Variants in MAML3 observed in about 807,000 individuals in gnomAD.
The protein encoded by MAML3 is mastermind-like protein 3.
Under a neutral mutation model 101.9 loss-of-function variants are expected in MAML3, and 27 were observed. That is an observed-to-expected ratio of 0.27 (90% CI 0.20 to 0.37). The LOEUF is 0.37. MAML3 is among the 10% of genes least tolerant of loss of function. The probability of loss-of-function intolerance (pLI) is 1.00; values close to 1 mark genes in which losing one functional copy is unlikely to be tolerated. For missense variants in MAML3, 1,316 were observed against 1,444.9 expected (o/e 0.91, Z 1.45); for synonymous variants, 501 against 555.9 (o/e 0.90, Z 1.39).
chr4:139,982,908 G>A (rs1455302128), intron 1 of MAML3, among the ~76,000 whole-genome samples: 1 of 152,064 alleles, frequency 6.6e-6, no homozygotes, highest in African/African-American at 2.4e-5. Context: ...CCCCCCTTAG[G>A]AAAAAACTAT....
chr4:139,808,037 C>G (rs1730730231), intron 2 of MAML3, among the ~76,000 whole-genome samples: 1 of 152,208 alleles, frequency 6.6e-6, no homozygotes. Flanking sequence ...TTCGGCTCTT[C>G]CTTCCCTTCA....
chr4:140,021,093 GA>G (rs1396548651), intron 1 of MAML3, among the ~76,000 whole-genome samples: 1 of 152,172 alleles, frequency 6.6e-6, no homozygotes, highest in African/African-American at 2.4e-5. Flanking sequence ...AATACGTGGA[GA>G]AAAGAAGACT....
intron 1 of MAML3, among the ~76,000 whole-genome samples, chr4:140,064,085 G>A (rs985041619): frequency 9.9e-5 from 15 of 151,982 alleles, no homozygotes; most frequent in African/African-American, 1.2e-4. Context: ...TTCTTACATC[G>A]TCCCCACTTC....
intron 3 of MAML3, among the ~76,000 whole-genome samples, chr4:139,729,605 C>T (rs1415971378): frequency 6.6e-6 from 1 of 152,192 alleles, no homozygotes; most frequent in African/African-American, 2.4e-5. Flanking sequence ...ATTCTCTGTG[C>T]AGACCCTCAC....
intron 1 of MAML3, among the ~76,000 whole-genome samples, chr4:140,035,146 G>A (rs1726964036): frequency 2.0e-5 from 3 of 151,828 alleles, no homozygotes; most frequent in South Asian, 4.1e-4. Flanking sequence ...TAATTTTTTC[G>A]TATTTTTAGT....
intron 2 of MAML3, among the ~76,000 whole-genome samples, chr4:139,814,926 T>C (rs10015181): frequency 0.027 from 4,077 of 152,276 alleles, 189 homozygotes; most frequent in African/African-American, 0.092. Flanking sequence ...TTTCCATGGC[T>C]GTGCTATAGA....
intron 1 of MAML3, among the ~76,000 whole-genome samples, chr4:139,968,082 C>T (rs1465754825): frequency 1.3e-5 from 2 of 151,730 alleles, no homozygotes; most frequent in Non-Finnish European, 2.9e-5. Context: ...AGTTCGAGAC[C>T]AGCCTGGCCA....
chr4:140,150,218 A>G (rs1729135737), intron 1 of MAML3, among the ~76,000 whole-genome samples: 1 of 152,228 alleles, frequency 6.6e-6, no homozygotes. Context: ...ACTGGGATTC[A>G]CTATGAAATC....
intron 2 of MAML3, among the ~76,000 whole-genome samples, chr4:139,807,870 C>T (rs1730727115): frequency 6.6e-6 from 1 of 151,150 alleles, no homozygotes; most frequent in Non-Finnish European, 1.5e-5. Context: ...ATGATACACT[C>T]CAAATTTGAT....
chr4:140,008,523 TCC>T (rs1321358073), intron 1 of MAML3, among the ~76,000 whole-genome samples: 1 of 152,124 alleles, frequency 6.6e-6, no homozygotes, highest in African/African-American at 2.4e-5. Context: ...TTGACATTGG[TCC>T]CTGAAGGAAC....
At chr4:140,141,823 C>T (rs13112302) in intron 1 of MAML3, among the ~76,000 whole-genome samples, 49,640 of 151,952 alleles carry the variant, frequency 0.33, 8,781 homozygotes, top group African/African-American at 0.45. Context: ...TATCATTTGC[C>T]CTAAAATGGG....
At chr4:139,882,498 A>C (rs2111188925) in intron 2 of MAML3, among the ~76,000 whole-genome samples, 1 of 152,316 alleles carries the variant, frequency 6.6e-6, no homozygotes, top group South Asian at 2.1e-4. Flanking sequence ...ATAGTAGGGA[A>C]GTCAGAGGAC....
intron 2 of MAML3, among the ~76,000 whole-genome samples, chr4:139,806,226 A>C (rs908813943): frequency 6.6e-6 from 1 of 152,144 alleles, no homozygotes; most frequent in Non-Finnish European, 1.5e-5. Context: ...AAGCTAGGAC[A>C]AAATATTGGC....
intron 1 of MAML3, among the ~76,000 whole-genome samples, chr4:140,108,475 G>A (rs981710621): frequency 2.0e-5 from 3 of 151,530 alleles, no homozygotes; most frequent in African/African-American, 7.3e-5. Flanking sequence ...CTGAAGTCAG[G>A]CATACCACAT....
chr4:140,092,092 ATATATATATACG>A lies in MAML3; in HGVS notation c.468+60756_468+60767del, dbSNP rs1160826310. 2.2e-3 allele frequency among the ~76,000 whole-genome samples: 281 copies of A among 127,290 alleles called. 9 individuals are homozygous for A. The East Asian group carries it at 0.051, about 23-fold the overall frequency. The allele number at this position is 127,290 out of a possible 152,430, so 83.5% of individuals were successfully genotyped here. ...TATATATACGTATATATATACGTAT[ATATATATATACG>A]TATATATATATATACGTATATATAT... On this transcript the variant is annotated intron_variant, in intron 1 of 4. Coordinates refer to ENST00000509479, the MANE Select transcript of MAML3 (RefSeq NM_018717.5).
intron 1 of MAML3, among the ~76,000 whole-genome samples, chr4:139,918,770 A>G (rs556718416): frequency 1.7e-3 from 260 of 152,278 alleles, no homozygotes; most frequent in African/African-American, 6.1e-3. Context: ...AAGTGATTAC[A>G]TGAACATTTC....
intron 2 of MAML3, among the ~76,000 whole-genome samples, chr4:139,869,997 A>C (rs991585983): frequency 1.3e-5 from 2 of 152,254 alleles, no homozygotes; most frequent in African/African-American, 4.8e-5. Context: ...AGTGTTGACC[A>C]TATGACCTTA....
At chr4:139,984,354 C>T (rs1175545307) in intron 1 of MAML3, among the ~76,000 whole-genome samples, 1 of 152,040 alleles carries the variant, frequency 6.6e-6, no homozygotes, top group African/African-American at 2.4e-5. Flanking sequence ...GGATAGTAAC[C>T]AAGGTGCTAA....
At position 139,902,899 on chromosome 4, in the gene MAML3, G is replaced by T. The variant is rs73854885; in HGVS notation, c.469-11932C>A. On this transcript the variant is annotated intron_variant, in intron 1 of 4. Coordinates refer to ENST00000509479, the MANE Select transcript of MAML3 (RefSeq NM_018717.5). ...GGTGGACCCTTTAGTGCCCCTTTAA[G>T]ACGTGGCAGCCTAAAACCTCTGTGT... is the stretch of plus-strand genomic sequence containing the variant. Among the ~76,000 whole-genome samples the T allele has an allele frequency of 4.4e-3, 674 of 152,306 alleles. 7 individuals are homozygous for T. The highest frequency in any genetic ancestry group is 0.016 in the African/African-American group (647 of 41,566).
Sources: gnomAD v4.1 joint callset for allele counts (sites outside exome capture counted in the v4.1 genomes callset) on GRCh38, gnomAD v4.1.1 for gene constraint, MANE v1.5 for transcripts, NCBI Gene and HGNC (gene_info 2026-07-23, HGNC 2026-07-21) for gene names.